The following CLYBL variants were observed in gnomAD, a reference collection of about 807,000 sequenced individuals.
CLYBL encodes citramalyl-CoA lyase.
CLYBL carries 31 observed loss-of-function variants against 38.9 expected under a neutral mutation model. That is an observed-to-expected ratio of 0.80 (90% confidence interval 0.60 to 1.08). CLYBL has a LOEUF of 1.08. Among genes scored for constraint, CLYBL ranks in the 50% least tolerant of loss-of-function variants. The pLI is 0.00. For synonymous variants in CLYBL, 171 were observed against 158.6 expected (o/e 1.08, Z -0.59); for missense variants, 434 against 411.6 (o/e 1.05, Z -0.47).
chr13:99,703,052 G>A (rs1432046536), intron 1 of CLYBL, among the ~76,000 whole-genome samples: 5 of 152,192 alleles, frequency 3.3e-5, no homozygotes, highest in African/African-American at 1.2e-4. Context: ...ACTTTAAAAG[G>A]CACTTCAGGT....
At chr13:99,616,753 C>T (rs2046717365) in intron 1 of CLYBL, among the ~76,000 whole-genome samples, 1 of 152,104 alleles carries the variant, frequency 6.6e-6, no homozygotes, top group African/African-American at 2.4e-5. Flanking sequence ...GTCAGAAGTT[C>T]AAGACCAGCC....
In CLYBL at chr13:99,771,587, A is replaced by G. The variant is rs141528282; in HGVS notation, c.63-1237A>G. 2.5e-4 allele frequency among the ~76,000 whole-genome samples: 38 copies of G among 152,048 alleles called. No homozygotes were observed. The East Asian group carries it at 6.6e-3, about 26-fold the overall frequency. On this transcript the variant is annotated intron_variant, in intron 1 of 8. Coordinates refer to ENST00000339105, the MANE Select transcript of CLYBL (RefSeq NM_206808.5). Reference sequence around the variant, plus strand: ...AGCTGATTTCATCTTCCTTTACCATATCGTATGAGCTAAAGCATGGTTTTC... The same window carrying G: ...AGCTGATTTCATCTTCCTTTACCATGTCGTATGAGCTAAAGCATGGTTTTC...
chr13:99,764,157 C>T (rs1401141394), intron 1 of CLYBL, among the ~76,000 whole-genome samples: 1 of 152,054 alleles, frequency 6.6e-6, no homozygotes, highest in Non-Finnish European at 1.5e-5. Context: ...CTGCTAGGCT[C>T]AAGGGATTCT....
chr13:99,719,188 G>C (rs2048360498), intron 1 of CLYBL, among the ~76,000 whole-genome samples: 1 of 143,576 alleles, frequency 7.0e-6, no homozygotes, highest in East Asian at 2.0e-4. Flanking sequence ...GTCTCTCTCT[G>C]TTACCCAGGC....
In CLYBL at chr13:99,716,169, A is replaced by ATTTTTTTTTTTTTTTTTTTTTTTT. The variant is rs4001024; in HGVS notation, c.63-56640_63-56617dup. Among the ~76,000 whole-genome samples, 7 of 33,462 alleles carry ATTTTTTTTTTTTTTTTTTTTTTTT rather than the reference A, an allele frequency of 2.1e-4. 3 individuals are homozygous for ATTTTTTTTTTTTTTTTTTTTTTTT. The highest frequency in any genetic ancestry group is 4.3e-4 in the Non-Finnish European group (7 of 16,382). The allele number at this position is 33,462 out of a possible 152,430, so 22.0% of individuals were successfully genotyped here. Reference sequence around the variant, plus strand: ...AAATTGTCCTTGCTTTATTGGTGTAATTTTTTTTTTTTTTTTTTTTTTTTT... The same window carrying ATTTTTTTTTTTTTTTTTTTTTTTT: ...AAATTGTCCTTGCTTTATTGGTGTAATTTTTTTTTTTTTTTTTTTTTTTTTTTTTTTTTTTTTTTTTTTTTTTTT... On this transcript the variant is annotated intron_variant, in intron 1 of 8. Transcript: ENST00000339105.
At chr13:99,820,777 A>T (rs867959520) in intron 2 of CLYBL, among the ~76,000 whole-genome samples, 5 of 152,164 alleles carry the variant, frequency 3.3e-5, no homozygotes, top group African/African-American at 1.2e-4. Flanking sequence ...GAGCGGAAGG[A>T]GCTCAGCTGT....
chr13:99,888,402 G>C (rs578087965), intron 7 of CLYBL, among the ~76,000 whole-genome samples: 1 of 152,280 alleles, frequency 6.6e-6, no homozygotes, highest in Admixed American at 6.5e-5. Context: ...CCCAGACTAG[G>C]AACTGCTCAA....
chr13:99,637,874 G>A (rs983093266), intron 1 of CLYBL, among the ~76,000 whole-genome samples: 2 of 150,240 alleles, frequency 1.3e-5, no homozygotes, highest in African/African-American at 4.9e-5. Flanking sequence ...CTTTCAAGGA[G>A]AATTTTTAAA....
intron 2 of CLYBL, among the ~76,000 whole-genome samples, chr13:99,827,780 G>A (rs1425252872): frequency 3.3e-5 from 5 of 152,234 alleles, no homozygotes; most frequent in East Asian, 1.9e-4. Context: ...CCCGACAGGC[G>A]CCATCGTATG....
chr13:99,903,137 A>C (rs1374904273), intron 8 of CLYBL, among the ~76,000 whole-genome samples: 1 of 152,240 alleles, frequency 6.6e-6, no homozygotes, highest in Non-Finnish European at 1.5e-5. Context: ...CGATTTCATA[A>C]CAAGAAAATA....
At chr13:99,760,214 T>C (rs1348141797) in intron 1 of CLYBL, among the ~76,000 whole-genome samples, 1 of 152,238 alleles carries the variant, frequency 6.6e-6, no homozygotes, top group Non-Finnish European at 1.5e-5. Flanking sequence ...TCTTTTTTCT[T>C]AGCCTACTAG....
chr13:99,661,008 T>C (rs2047400730), intron 1 of CLYBL, among the ~76,000 whole-genome samples: 1 of 152,180 alleles, frequency 6.6e-6, no homozygotes. Context: ...AATGAAAAAA[T>C]AGTTAAGTGT....
chr13:99,795,957 T>A (rs555176610), intron 2 of CLYBL, among the ~76,000 whole-genome samples: 1 of 152,090 alleles, frequency 6.6e-6, no homozygotes, highest in African/African-American at 2.4e-5. Flanking sequence ...CAGGGTGGAA[T>A]GTTGTCAAGA....
chr13:99,733,597 A>G (rs2048624093), intron 1 of CLYBL, among the ~76,000 whole-genome samples: 1 of 152,260 alleles, frequency 6.6e-6, no homozygotes, highest in East Asian at 1.9e-4. Flanking sequence ...CATTCCGCCC[A>G]TCGACTACCC....
At chr13:99,731,503 T>TA (rs11305509) in intron 1 of CLYBL, among the ~76,000 whole-genome samples, 39 of 143,478 alleles carry the variant, frequency 2.7e-4, no homozygotes, top group Middle Eastern at 7.4e-3. Flanking sequence ...CTGCTTATAT[T>TA]AAAAAAAAAA....
At chr13:99,728,285 T>C (rs932044330) in intron 1 of CLYBL, among the ~76,000 whole-genome samples, 11 of 149,086 alleles carry the variant, frequency 7.4e-5, no homozygotes, top group Non-Finnish European at 1.0e-4. Flanking sequence ...CTTTTCTTTT[T>C]TTTTTTTTTT....
At chr13:99,882,709 T>G (rs1313907617) in intron 7 of CLYBL, among the ~76,000 whole-genome samples, 2 of 152,096 alleles carry the variant, frequency 1.3e-5, no homozygotes, top group Non-Finnish European at 2.9e-5. Context: ...TACTATCACA[T>G]GAAACCTCTT....
chr13:99,804,082 G>A (rs1412673953), intron 2 of CLYBL, among the ~76,000 whole-genome samples: 1 of 152,262 alleles, frequency 6.6e-6, no homozygotes, highest in Non-Finnish European at 1.5e-5. Flanking sequence ...CTGCTTCAGA[G>A]GGTGGAGTGA....
chr13:99,738,496 C>T (rs567344844), intron 1 of CLYBL, among the ~76,000 whole-genome samples: 2 of 152,094 alleles, frequency 1.3e-5, no homozygotes, highest in South Asian at 2.1e-4. Flanking sequence ...TGGATGGTAC[C>T]TGCAATTAAC....
Sources: gnomAD v4.1 joint callset for allele counts (sites outside exome capture counted in the v4.1 genomes callset) on GRCh38, gnomAD v4.1.1 for gene constraint, MANE v1.5 for transcripts, NCBI Gene and HGNC (gene_info 2026-07-23, HGNC 2026-07-21) for gene names.